The following PPARGC1A variants were observed in gnomAD, a reference collection of about 807,000 sequenced individuals.
PPARGC1A encodes the protein peroxisome proliferator-activated receptor gamma coactivator 1-alpha.
Under a neutral mutation model 88.7 loss-of-function variants are expected in PPARGC1A, and 25 were observed. That is an observed-to-expected ratio of 0.28 (90% CI 0.21 to 0.39). The LOEUF is 0.39. PPARGC1A is among the 10% of genes least tolerant of loss of function. The pLI, the probability that PPARGC1A is intolerant of heterozygous loss-of-function variation, is 1.00. For synonymous variants in PPARGC1A, 363 were observed against 355.6 expected (o/e 1.02, Z -0.24); for missense variants, 880 against 968.7 (o/e 0.91, Z 1.22).
At chr4:24,241,345 C>G in the PPARGC1A span, among the ~76,000 whole-genome samples, 2 of 152,136 alleles carry the variant, frequency 1.3e-5, no homozygotes, top group Non-Finnish European at 2.9e-5. Flanking sequence ...TTCTGGCAGC[C>G]AAGTTAAACA....
chr4:24,175,034 A>T, the PPARGC1A span, among the ~76,000 whole-genome samples: 1 of 152,198 alleles, frequency 6.6e-6, no homozygotes, highest in African/African-American at 2.4e-5. Flanking sequence ...GGCCTAGTGT[A>T]TAACTTTCTA....
intron 3 of PPARGC1A, among the ~76,000 whole-genome samples, chr4:23,830,755 C>A (rs1724853179): frequency 6.6e-6 from 1 of 152,144 alleles, no homozygotes; most frequent in Non-Finnish European, 1.5e-5. Context: ...TGACAAATGG[C>A]TATCATAGAT....
At chr4:23,998,939 C>T in the PPARGC1A span, among the ~76,000 whole-genome samples, 2 of 152,200 alleles carry the variant, frequency 1.3e-5, no homozygotes, top group African/African-American at 4.8e-5. Context: ...TGACTAAAAT[C>T]AGAAATGTAG....
the PPARGC1A span, among the ~76,000 whole-genome samples, chr4:24,286,125 C>T: frequency 1.3e-5 from 2 of 152,142 alleles, no homozygotes; most frequent in South Asian, 2.1e-4. Context: ...AAGCATGTCT[C>T]GGTGGGAAAA....
At chr4:24,276,964 T>A in the PPARGC1A span, among the ~76,000 whole-genome samples, 1 of 152,186 alleles carries the variant, frequency 6.6e-6, no homozygotes, top group Non-Finnish European at 1.5e-5. Flanking sequence ...GTAGCTCTTC[T>A]GAGTACAGAC....
At chr4:24,426,401 C>G in the PPARGC1A span, among the ~76,000 whole-genome samples, 1 of 152,168 alleles carries the variant, frequency 6.6e-6, no homozygotes, top group Admixed American at 6.5e-5. Flanking sequence ...ATCTCCTTGA[C>G]AGCATACGAA....
At chr4:24,200,027 T>C in the PPARGC1A span, among the ~76,000 whole-genome samples, 3 of 152,148 alleles carry the variant, frequency 2.0e-5, no homozygotes, top group Non-Finnish European at 2.9e-5. Context: ...CATGGAATAC[T>C]ACAGAGTAGT....
At chr4:23,848,368 C>T (rs1348754977) in intron 2 of PPARGC1A, among the ~76,000 whole-genome samples, 4 of 152,234 alleles carry the variant, frequency 2.6e-5, no homozygotes, top group Non-Finnish European at 5.9e-5. Context: ...AGCAAAGCCA[C>T]AGAAGCAGAA....
chr4:24,256,294 C>A, the PPARGC1A span, among the ~76,000 whole-genome samples: 1 of 152,100 alleles, frequency 6.6e-6, no homozygotes, highest in Non-Finnish European at 1.5e-5. Flanking sequence ...GTCTTGCATA[C>A]CAAAAAAGAT....
chr4:23,992,528 A>C, the PPARGC1A span, among the ~76,000 whole-genome samples: 1 of 151,942 alleles, frequency 6.6e-6, no homozygotes, highest in Non-Finnish European at 1.5e-5. Context: ...CCAAGTTTGC[A>C]CCCAAAAAAA....
chr4:23,795,705 A>G lies in PPARGC1A; in HGVS notation c.*117T>C, dbSNP rs774223458. Reference sequence around the variant, plus strand: ...TGTTGTTGTTTTGTTTTGTTTTTGTACAGAGAGTGTAAAGTAGGAGAAATT... The same window carrying G: ...TGTTGTTGTTTTGTTTTGTTTTTGTGCAGAGAGTGTAAAGTAGGAGAAATT... On this transcript the variant is annotated 3_prime_UTR_variant, in exon 13 of 13. Coordinates refer to ENST00000264867, the MANE Select transcript of PPARGC1A (RefSeq NM_013261.5). 300 of 697,092 alleles carry G rather than the reference A, an allele frequency of 4.3e-4. No individual in the cohort carries two copies. Among genetic ancestry groups the G allele is most frequent in the Admixed American group, 7.1e-4 (23 of 32,198 alleles). The allele number at this position is 697,092 out of a possible 1,614,324, so 43.2% of individuals were successfully genotyped here.
the PPARGC1A span, among the ~76,000 whole-genome samples, chr4:24,229,298 C>T: frequency 2.4e-4 from 36 of 150,802 alleles, no homozygotes; most frequent in African/African-American, 8.3e-4. Context: ...GGATTACAGA[C>T]ACGCGCCACC....
the PPARGC1A span, among the ~76,000 whole-genome samples, chr4:24,296,104 A>ACG: frequency 6.6e-6 from 1 of 150,960 alleles, no homozygotes; most frequent in South Asian, 2.1e-4. Flanking sequence ...ATACATATAT[A>ACG]TGTACATATA....
chr4:24,286,948 G>A, the PPARGC1A span, among the ~76,000 whole-genome samples: 2 of 152,106 alleles, frequency 1.3e-5, no homozygotes, highest in African/African-American at 4.8e-5. Flanking sequence ...TTCCCCAAGA[G>A]AAAGAGATCT....
chr4:24,152,753 TTTAA>T, the PPARGC1A span, among the ~76,000 whole-genome samples: 5 of 152,232 alleles, frequency 3.3e-5, no homozygotes, highest in African/African-American at 1.2e-4. Context: ...CATTTGCTAA[TTTAA>T]TTAATTAACT....
chr4:24,421,814 T>A, the PPARGC1A span, among the ~76,000 whole-genome samples: 3 of 152,228 alleles, frequency 2.0e-5, no homozygotes, highest in Admixed American at 2.0e-4. Context: ...TAGTAGTACA[T>A]GCCTTTATCA....
the PPARGC1A span, among the ~76,000 whole-genome samples, chr4:24,003,020 C>T: frequency 1.3e-5 from 2 of 152,124 alleles, no homozygotes; most frequent in Admixed American, 6.6e-5. Flanking sequence ...TCTTCTCAGT[C>T]GCCCCAGAGA....
chr4:24,192,491 C>T, the PPARGC1A span, among the ~76,000 whole-genome samples: 2 of 152,052 alleles, frequency 1.3e-5, no homozygotes, highest in African/African-American at 4.8e-5. Flanking sequence ...TTTCTTTGGG[C>T]AAAGGATGGC....
the PPARGC1A span, among the ~76,000 whole-genome samples, chr4:24,403,420 G>A: frequency 6.6e-6 from 1 of 152,222 alleles, no homozygotes; most frequent in African/African-American, 2.4e-5. Context: ...ATCACACTGC[G>A]TACTCGCAGC....
Sources: gnomAD v4.1 joint callset for allele counts (sites outside exome capture counted in the v4.1 genomes callset) on GRCh38, gnomAD v4.1.1 for gene constraint, MANE v1.5 for transcripts, NCBI Gene and HGNC (gene_info 2026-07-23, HGNC 2026-07-21) for gene names.